The following SH2D6 variants were observed in gnomAD, a reference collection of about 807,000 sequenced individuals.
The protein encoded by SH2D6 is SH2 domain containing 6, also known as SH2 domain-containing protein 6.
SH2D6 carries 31 observed loss-of-function variants against 30.2 expected under a neutral mutation model. That is an observed-to-expected ratio of 1.03 (90% CI 0.77 to 1.38). SH2D6 has a LOEUF of 1.38. Among genes scored for constraint, SH2D6 ranks in the 40% most tolerant of loss-of-function variants. The probability of loss-of-function intolerance (pLI) is 0.00; values close to 1 mark genes in which losing one functional copy is unlikely to be tolerated. For synonymous variants in SH2D6, 93 were observed against 104.6 expected (o/e 0.89, Z 0.68); for missense variants, 240 against 266.8 (o/e 0.90, Z 0.70).
rs1338811376 is a variant in SH2D6, at chr2:85,433,638, C to G, written c.454+7C>G. On this transcript the variant is annotated splice_region_variant and intron_variant, in intron 16 of 23. Transcript: ENST00000469800. ...GAATGTGAGCCGGATCCAGGTGAGC[C>G]CCTCCCTCAGCTCCAGACCCCTCCT... 1 of 1,027,668 alleles carries G rather than the reference C, an allele frequency of 9.7e-7. No homozygotes were observed. The allele number at this position is 1,027,668 out of a possible 1,614,324, so 63.7% of individuals were successfully genotyped here. A position where few individuals can be genotyped will look rare whatever the true frequency, so the allele number is the denominator to read the frequency against.
chr2:85,433,186 G>A, intron 15 of SH2D6, 65 bp downstream of exon 15: 4 of 962,876 alleles, frequency 4.2e-6, no homozygotes, highest in Non-Finnish European at 4.9e-6. Flanking sequence ...GCAGGGGTGG[G>A]GTGGGGCCTA....
chr2:85,421,090 G>C (rs1573202478), intron 2 of SH2D6, among the ~76,000 whole-genome samples: 1 of 152,258 alleles, frequency 6.6e-6, no homozygotes, highest in Non-Finnish European at 1.5e-5. Context: ...TAGAAGACCA[G>C]CTGGGAACAG....
At chr2:85,424,260 C>G (rs186801591) in intron 5 of SH2D6, among the ~76,000 whole-genome samples, 1 of 152,216 alleles carries the variant, frequency 6.6e-6, no homozygotes, top group Non-Finnish European at 1.5e-5. Context: ...GAAGGGAAAC[C>G]TGGCTTTCCC....
chr2:85,435,932 G>T (rs1209805030), intron 22 of SH2D6, 108 bp downstream of exon 22: 34 of 1,386,596 alleles, frequency 2.5e-5, no homozygotes, highest in Non-Finnish European at 3.0e-5. Flanking sequence ...ATCTTTCTGG[G>T]GTGGGCAGAA....
At chr2:85,426,602 C>G (rs921881516) in intron 6 of SH2D6, among the ~76,000 whole-genome samples, 2 of 152,212 alleles carry the variant, frequency 1.3e-5, no homozygotes, top group African/African-American at 4.8e-5. Context: ...ATGTGAGGCT[C>G]CTAGAGTGTG....
intron 19 of SH2D6, 120 bp downstream of exon 19, chr2:85,434,617 T>TTA: frequency 1.0e-6 from 1 of 996,772 alleles, no homozygotes; most frequent in Non-Finnish European, 1.4e-6. Context: ...TGACTAGACT[T>TTA]AAAAAAAAAA....
rs993776142 is a variant in SH2D6, at chr2:85,434,080, G to A, written c.502G>A (p.Gly168Ser). Residue 168 changes from glycine (G) to serine (S), a missense_variant, in exon 17 of 24, where the codon GGC (glycine) becomes AGC (serine). Coordinates refer to ENST00000469800, the MANE Select transcript of SH2D6 (RefSeq NM_001394463.1). ...CAGCTTCCAAGTCCTGATGCCCTCA[G>A]GCCCTCTGCCCAGGACATCAGTGGT... ...TLSFQVLMPS[G>S]PLPRTSVVPR... 7.1e-6 allele frequency: 11 copies of A among 1,550,458 alleles called. No homozygotes were observed. The highest frequency in any genetic ancestry group is 9.6e-6 in the Non-Finnish European group (11 of 1,146,994).
At chr2:85,434,804 C>T (rs1689211616) in intron 19 of SH2D6, 6 of 1,455,512 alleles carry the variant, frequency 4.1e-6, no homozygotes, top group Non-Finnish European at 5.4e-6. Flanking sequence ...GGGCATTTTC[C>T]GGTGCCTGCA....
In SH2D6 at chr2:85,433,133, C is replaced by T. The variant is rs769204475; in HGVS notation, c.393+12C>T. 4 of 985,974 alleles carry T rather than the reference C, an allele frequency of 4.1e-6. No individual in the cohort carries two copies. Among genetic ancestry groups the T allele is most frequent in the Non-Finnish European group, 4.8e-6 (4 of 829,980 alleles). 61.1% of individuals were successfully genotyped at this position (985,974 alleles called of 1,614,324 possible). A position where few individuals can be genotyped will look rare whatever the true frequency, so the allele number is the denominator to read the frequency against. The stretch of plus-strand genomic sequence containing the variant: ...CATCGTCCAGAGTGGTGAGCAGCCC[C>T]TCCATTTCCACCTCAGTTTCCAGGC... On this transcript the variant is annotated intron_variant, in intron 15 of 23. Transcript: ENST00000469800.
At chr2:85,424,280 C>T (rs1687876139) in intron 5 of SH2D6, among the ~76,000 whole-genome samples, 3 of 152,192 alleles carry the variant, frequency 2.0e-5, no homozygotes, top group Admixed American at 6.5e-5. Context: ...CATGGTGGCC[C>T]CCACATAACC....
At chr2:85,423,459 C>T (rs1330084318) in intron 5 of SH2D6, among the ~76,000 whole-genome samples, 1 of 152,186 alleles carries the variant, frequency 6.6e-6, no homozygotes, top group Non-Finnish European at 1.5e-5. Context: ...TCTCAAACTC[C>T]TGACCTCAAC....
chr2:85,435,737 C>T lies in SH2D6; in HGVS notation c.804C>T (p.Leu268=). 3.1e-6 allele frequency: 5 copies of T among 1,612,878 alleles called. No individual in the cohort carries two copies. Among genetic ancestry groups the T allele is most frequent in the Non-Finnish European group, 4.2e-6 (5 of 1,179,648 alleles). Residue 268 remains leucine (L), a synonymous_variant, in exon 22 of 24, where the codon CTC becomes CTT. Transcript: ENST00000469800. ...GSQPFTLAVL[L]RGRVFNIPIR... Reference sequence around the variant, plus strand: ...AGCCCTTCACCCTGGCAGTGCTTCTCCGAGGCCGGGTCTTCAACATTCCCA... The same window carrying T: ...AGCCCTTCACCCTGGCAGTGCTTCTTCGAGGCCGGGTCTTCAACATTCCCA...
intron 19 of SH2D6, chr2:85,434,806 G>A (rs2104944863): frequency 6.9e-7 from 1 of 1,459,456 alleles, no homozygotes; most frequent in East Asian, 2.5e-5. Flanking sequence ...GCATTTTCCG[G>A]TGCCTGCACC....
intron 2 of SH2D6, among the ~76,000 whole-genome samples, chr2:85,421,052 T>G (rs1037536585): frequency 6.6e-6 from 1 of 152,234 alleles, no homozygotes; most frequent in African/African-American, 2.4e-5. Context: ...GGGGAGCCAC[T>G]GTGTCCAGTC....
At chr2:85,429,669 C>T (rs1010922814) in intron 9 of SH2D6, 57 bp downstream of exon 9, 2 of 152,786 alleles carry the variant, frequency 1.3e-5, no homozygotes, top group Non-Finnish European at 1.5e-5. Flanking sequence ...CTCTACCCCT[C>T]CTCTCCTGGG....
chr2:85,426,636 C>T (rs899924930), intron 6 of SH2D6, among the ~76,000 whole-genome samples: 1 of 152,314 alleles, frequency 6.6e-6, no homozygotes, highest in East Asian at 1.9e-4. Flanking sequence ...GGGCATGGAG[C>T]CTCCACACCC....
At chr2:85,435,350 C>A in intron 20 of SH2D6, 63 bp from the exon 21 acceptor site, 1 of 1,561,908 alleles carries the variant, frequency 6.4e-7, no homozygotes, top group Non-Finnish European at 8.8e-7. Context: ...ACCCTGGGTC[C>A]TCGGCTCCGC....
Position 85,435,120 on chromosome 2 carries a change from T to C in SH2D6, c.645T>C (p.Ala215=), listed in dbSNP as rs1282929003. 1.9e-6 allele frequency: 3 copies of C among 1,580,850 alleles called. No individual in the cohort carries two copies. Among genetic ancestry groups the C allele is most frequent in the Non-Finnish European group, 2.6e-6 (3 of 1,159,944 alleles). ...CCCCCACTGGGAGTGCCTCAGCTGC[T>C]GAGGTGAGGAGGGGCTGGGAGCAGG... ...SVAPTGSASA[A]EDSDLLTQPW... The change falls in exon 20 of 24, where the codon GCT becomes GCC. Residue 215 remains alanine, a synonymous_variant. Transcript: ENST00000469800.
At chr2:85,427,176 G>A (rs1877954) in intron 6 of SH2D6, among the ~76,000 whole-genome samples, 40,741 of 152,100 alleles carry the variant, frequency 0.27, 6,450 homozygotes, top group African/African-American at 0.44. Flanking sequence ...TGAGACCTGA[G>A]AAATTTGGAG....
Sources: allele counts gnomAD v4.1 joint callset (sites outside exome capture counted in the v4.1 genomes callset), GRCh38; gene constraint gnomAD v4.1.1; transcripts MANE v1.5; gene names NCBI Gene and HGNC (gene_info 2026-07-23, HGNC 2026-07-21).